Variants in VAV2 observed in about 807,000 individuals in gnomAD.
The protein encoded by VAV2 is vav guanine nucleotide exchange factor 2, also known as guanine nucleotide exchange factor VAV2.
Under a neutral mutation model 132.5 loss-of-function variants are expected in VAV2, and 67 were observed. The ratio of observed to expected loss-of-function variants is 0.51; its 90% confidence interval spans 0.42 to 0.62. The LOEUF is 0.62. Ranked by LOEUF, VAV2 falls within the 20% of genes least tolerant of loss-of-function variation. The probability of loss-of-function intolerance (pLI) is 0.00; values close to 1 mark genes in which losing one functional copy is unlikely to be tolerated. For synonymous variants in VAV2, 492 were observed against 443.5 expected (o/e 1.11, Z -1.37); for missense variants, 938 against 1,153.6 (o/e 0.81, Z 2.71).
intron 2 of VAV2, among the ~76,000 whole-genome samples, chr9:133,873,414 G>GGCAGTGGCCCA (rs1838139560): frequency 6.6e-6 from 1 of 152,202 alleles, no homozygotes; most frequent in East Asian, 1.9e-4. Context: ...GTCCCACTGT[G>GGCAGTGGCCCA]CTCACGGTGG....
intron 2 of VAV2, among the ~76,000 whole-genome samples, chr9:133,921,124 T>C (rs2132076590): frequency 6.6e-6 from 1 of 152,318 alleles, no homozygotes; most frequent in Non-Finnish European, 1.5e-5. Flanking sequence ...GAGGAGTCCT[T>C]GGAGGGGAGA....
chr9:133,918,893 A>G lies in VAV2; in HGVS notation c.321+20210T>C, dbSNP rs547357475. ...TGGGTTCAAGCGATTCCCCTACCTC[A>G]GCCTCCCAAGTAGCTGGGATTACAG... On this transcript the variant is annotated intron_variant, in intron 2 of 29. Coordinates refer to ENST00000371850, the MANE Select transcript of VAV2 (RefSeq NM_001134398.2). This position sits in a 1 kb window ranked among gnomAD's most constrained non-coding sequence, Gnocchi z 4.7. Among the ~76,000 whole-genome samples, 1 of 152,090 alleles carries G rather than the reference A, an allele frequency of 6.6e-6. No homozygotes were observed. The highest frequency in any genetic ancestry group is 1.9e-4 in the East Asian group (1 of 5,152).
chr9:133,958,729 A>G (rs538638433), intron 1 of VAV2, among the ~76,000 whole-genome samples: 2 of 152,310 alleles, frequency 1.3e-5, no homozygotes, highest in African/African-American at 4.8e-5. Context: ...TGGAGGGGCA[A>G]CCCACCCCTT....
chr9:133,929,770 C>T (rs1840612173), intron 2 of VAV2, among the ~76,000 whole-genome samples: 1 of 152,116 alleles, frequency 6.6e-6, no homozygotes, highest in East Asian at 1.9e-4. Context: ...GTCCCCACCA[C>T]CAGCGACCCC....
At chr9:133,957,121 G>A (rs1346489160) in intron 1 of VAV2, among the ~76,000 whole-genome samples, 2 of 152,180 alleles carry the variant, frequency 1.3e-5, no homozygotes, top group African/African-American at 4.8e-5. Flanking sequence ...TGCTCTCCCG[G>A]TTAGGATGAT....
In VAV2 at chr9:133,912,471, T is replaced by A. The variant is rs1389788712; in HGVS notation, c.321+26632A>T. The stretch of plus-strand genomic sequence containing the variant: ...GCGCTTTTCCATCTGTACCCCAACA[T>A]GTCAGGGTATATCAACACCCATATG... On this transcript the variant is annotated intron_variant, in intron 2 of 29. Coordinates refer to ENST00000371850, the MANE Select transcript of VAV2 (RefSeq NM_001134398.2). The surrounding 1 kb of genome is among the most constrained non-coding windows in gnomAD (Gnocchi z 4.3). Among the ~76,000 whole-genome samples the A allele has an allele frequency of 6.6e-6, 1 of 152,040 alleles. No homozygotes were observed. The highest frequency in any genetic ancestry group is 2.4e-5 in the African/African-American group (1 of 41,360).
chr9:133,977,502 G>A (rs1489825526), intron 1 of VAV2, among the ~76,000 whole-genome samples: 3 of 152,214 alleles, frequency 2.0e-5, no homozygotes, highest in Non-Finnish European at 4.4e-5. Flanking sequence ...GATTGTCTAG[G>A]CACCTTGTGC....
At chr9:133,977,403 G>A (rs1272648265) in intron 1 of VAV2, among the ~76,000 whole-genome samples, 2 of 152,206 alleles carry the variant, frequency 1.3e-5, no homozygotes, top group Admixed American at 6.5e-5. Flanking sequence ...GAGGGCAGGA[G>A]GGTCTCAGGA....
chr9:133,948,713 G>A (rs1841454073), intron 1 of VAV2, among the ~76,000 whole-genome samples: 1 of 152,248 alleles, frequency 6.6e-6, no homozygotes, highest in Admixed American at 6.5e-5. Context: ...AACGTCCGGT[G>A]GCTCTTCCAC....
chr9:133,770,344 G>A (rs1269227871), intron 27 of VAV2, 34 bp downstream of exon 27: 2 of 1,612,960 alleles, frequency 1.2e-6, no homozygotes, highest in South Asian at 1.1e-5. Context: ...CCCCTCCGAG[G>A]AGTGCTGGTG....
At chr9:133,930,863 A>G (rs1840661910) in intron 2 of VAV2, among the ~76,000 whole-genome samples, 2 of 152,316 alleles carry the variant, frequency 1.3e-5, no homozygotes, top group South Asian at 4.1e-4. Context: ...GCAGCCATGG[A>G]GCCACCCCCA....
intron 2 of VAV2, among the ~76,000 whole-genome samples, chr9:133,891,834 A>AGGGAGGGGGG (rs1838985701): frequency 1.5e-4 from 1 of 6,494 alleles, no homozygotes; most frequent in Non-Finnish European, 3.0e-4. Flanking sequence ...ATGGAGGGAG[A>AGGGAGGGGGG]GGGATGGAAG....
intron 2 of VAV2, 147 bp downstream of exon 2, chr9:133,938,956 G>T (rs1266174650): frequency 1.3e-6 from 1 of 758,750 alleles, no homozygotes; most frequent in Non-Finnish European, 2.3e-6. Context: ...GGACCTGCCT[G>T]CACCTCCCGG....
chr9:133,825,096 G>A (rs1021287283), intron 4 of VAV2, among the ~76,000 whole-genome samples: 1 of 151,990 alleles, frequency 6.6e-6, no homozygotes, highest in Non-Finnish European at 1.5e-5. Context: ...CAGTCTTAAA[G>A]GGTCTGTTGT....
chr9:133,802,942 G>C lies in VAV2; in HGVS notation c.836+3139C>G, dbSNP rs151101901. Among the ~76,000 whole-genome samples, 83 of 152,338 alleles carry C rather than the reference G, an allele frequency of 5.4e-4. No homozygotes were observed. The highest frequency in any genetic ancestry group is 2.0e-3 in the African/African-American group (82 of 41,588). ...ATGGGGGTTAGACAGAGCGGGAGCT[G>C]AGGCTTCTTGACTTCAGAGGTTCCC... On this transcript the variant is annotated intron_variant, in intron 9 of 29. Transcript: ENST00000371850. This position sits in a 1 kb window ranked among gnomAD's most constrained non-coding sequence, Gnocchi z 5.8.
At chr9:133,791,505 G>C (rs1588178847) in intron 13 of VAV2, among the ~76,000 whole-genome samples, 1 of 152,160 alleles carries the variant, frequency 6.6e-6, no homozygotes, top group Non-Finnish European at 1.5e-5. Context: ...GCTGGGCAAT[G>C]AATACAGTCC....
In VAV2 at chr9:133,961,626, C is replaced by G. The variant is rs983521044; in HGVS notation, c.205-22407G>C. Reference sequence around the variant, plus strand: ...ACGGGGCTGGTTTGGGAGGCCCAGCCCAGGTGCTCCAGTCCCCAGAGCACG... The same window carrying G: ...ACGGGGCTGGTTTGGGAGGCCCAGCGCAGGTGCTCCAGTCCCCAGAGCACG... On this transcript the variant is annotated intron_variant, in intron 1 of 29. Transcript: ENST00000371850. The surrounding 1 kb of genome is among the most constrained non-coding windows in gnomAD (Gnocchi z 4.1). 6.6e-6 allele frequency among the ~76,000 whole-genome samples: 1 copy of G among 152,198 alleles called. No homozygotes were observed. The highest frequency in any genetic ancestry group is 2.4e-5 in the African/African-American group (1 of 41,438).
At chr9:133,810,236 C>A in intron 5 of VAV2, 31 bp from the exon 6 acceptor site, 1 of 1,612,958 alleles carries the variant, frequency 6.2e-7, no homozygotes, top group Non-Finnish European at 8.5e-7. Context: ...CCAGAAACAG[C>A]GCCGGTTAGC....
In VAV2 at chr9:133,979,103, G is replaced by A. The variant is rs901093484; in HGVS notation, c.204+12972C>T. On this transcript the variant is annotated intron_variant, in intron 1 of 29. Transcript: ENST00000371850. Reference sequence around the variant, plus strand: ...ACATGGGGAGGGGCACTGAGGCTTCGGAAGAGCTTTCGTGCCAGGGGTGGT... The same window carrying A: ...ACATGGGGAGGGGCACTGAGGCTTCAGAAGAGCTTTCGTGCCAGGGGTGGT... Among the ~76,000 whole-genome samples the A allele has an allele frequency of 2.6e-5, 4 of 152,214 alleles. No homozygotes were observed. The East Asian group carries it at 5.8e-4, about 22-fold the overall frequency.
Sources: allele counts gnomAD v4.1 joint callset (sites outside exome capture counted in the v4.1 genomes callset), GRCh38; gene constraint gnomAD v4.1.1; non-coding constraint Gnocchi (gnomAD v3.1); transcripts MANE v1.5; gene names NCBI Gene and HGNC (gene_info 2026-07-23, HGNC 2026-07-21).